Variants in RPS6KC1 observed in about 807,000 individuals in gnomAD.
RPS6KC1 encodes inactive ribosomal protein S6 kinase delta-1.
RPS6KC1 carries 54 observed loss-of-function variants against 103.8 expected under a neutral mutation model. The ratio of observed to expected loss-of-function variants is 0.52; its 90% CI spans 0.42 to 0.65. The LOEUF is 0.65. Among genes scored for constraint, RPS6KC1 ranks in the 30% least tolerant of loss-of-function variants. The pLI, the probability that RPS6KC1 is intolerant of heterozygous loss-of-function variation, is 0.00. For synonymous variants in RPS6KC1, 439 were observed against 438.7 expected (o/e 1.00, Z -0.01); for missense variants, 1,151 against 1,253.8 (o/e 0.92, Z 1.24).
chr1:213,549,620 T>C, the RPS6KC1 span, among the ~76,000 whole-genome samples: 16 of 27,098 alleles, frequency 5.9e-4, no homozygotes, highest in East Asian at 0.014. Context: ...TCCTTTTTTT[T>C]TTTTTTTTTT....
chr1:213,398,417 C>A, the RPS6KC1 span, among the ~76,000 whole-genome samples: 1 of 151,838 alleles, frequency 6.6e-6, no homozygotes, highest in Non-Finnish European at 1.5e-5. Flanking sequence ...TTTATAGTAA[C>A]CTGCCATGCT....
chr1:213,164,650 T>C (rs1203948805), intron 6 of RPS6KC1, among the ~76,000 whole-genome samples: 1 of 152,156 alleles, frequency 6.6e-6, no homozygotes, highest in Non-Finnish European at 1.5e-5. Context: ...ACAGCCATGA[T>C]TTCCCAGGTT....
the RPS6KC1 span, among the ~76,000 whole-genome samples, chr1:213,829,111 G>C: frequency 6.6e-6 from 1 of 152,034 alleles, no homozygotes; most frequent in Non-Finnish European, 1.5e-5. Context: ...TTGTAGTCCC[G>C]ACGAAGCCTA....
At chr1:213,435,225 C>A in the RPS6KC1 span, among the ~76,000 whole-genome samples, 3 of 152,008 alleles carry the variant, frequency 2.0e-5, no homozygotes, top group African/African-American at 7.2e-5. Context: ...AGAAATTTAT[C>A]TTTTAAAAAA....
the RPS6KC1 span, among the ~76,000 whole-genome samples, chr1:213,435,856 C>T: frequency 1.3e-5 from 2 of 152,106 alleles, no homozygotes; most frequent in African/African-American, 2.4e-5. Flanking sequence ...CCAGCCCCCA[C>T]CCCTGTACTC....
chr1:213,160,541 TG>T (rs1165063145), intron 6 of RPS6KC1, among the ~76,000 whole-genome samples: 3 of 152,200 alleles, frequency 2.0e-5, no homozygotes, highest in Non-Finnish European at 2.9e-5. Context: ...ATGTAACTAT[TG>T]TTTAAGTTAG....
the RPS6KC1 span, among the ~76,000 whole-genome samples, chr1:213,635,359 T>C: frequency 1.3e-5 from 2 of 152,188 alleles, no homozygotes; most frequent in Non-Finnish European, 2.9e-5. Context: ...TGAACATCGA[T>C]GTGAAAATCC....
chr1:213,447,452 T>A, the RPS6KC1 span, among the ~76,000 whole-genome samples: 7 of 152,190 alleles, frequency 4.6e-5, no homozygotes, highest in Non-Finnish European at 8.8e-5. Flanking sequence ...CAGATAACAA[T>A]ACCCAAAATA....
At chr1:213,838,844 A>G in the RPS6KC1 span, among the ~76,000 whole-genome samples, 1 of 152,210 alleles carries the variant, frequency 6.6e-6, no homozygotes, top group Non-Finnish European at 1.5e-5. Context: ...AGGATTCACT[A>G]GAGAGAAATT....
chr1:213,518,718 C>A, the RPS6KC1 span, among the ~76,000 whole-genome samples: 1 of 152,196 alleles, frequency 6.6e-6, no homozygotes, highest in African/African-American at 2.4e-5. Context: ...CACTGGACCA[C>A]ACTCATCAGC....
At chr1:213,603,494 G>C in the RPS6KC1 span, among the ~76,000 whole-genome samples, 3 of 152,096 alleles carry the variant, frequency 2.0e-5, no homozygotes, top group African/African-American at 7.2e-5. Flanking sequence ...ATTCCAAGCT[G>C]GCCTTGATGT....
the RPS6KC1 span, among the ~76,000 whole-genome samples, chr1:213,473,404 A>G: frequency 7.9e-5 from 12 of 152,218 alleles, no homozygotes; most frequent in African/African-American, 2.7e-4. Flanking sequence ...GCATGAAGTC[A>G]CTTTCCCTCA....
At chr1:213,190,096 A>G (rs2092695245) in intron 8 of RPS6KC1, among the ~76,000 whole-genome samples, 1 of 152,172 alleles carries the variant, frequency 6.6e-6, no homozygotes, top group Non-Finnish European at 1.5e-5. Flanking sequence ...GCTATTGTGA[A>G]TAGTGCTGCA....
At chr1:213,094,073 T>C (rs1377975054) in intron 3 of RPS6KC1, among the ~76,000 whole-genome samples, 1 of 113,462 alleles carries the variant, frequency 8.8e-6, no homozygotes, top group Non-Finnish European at 1.9e-5. Flanking sequence ...TGACAAAATT[T>C]CAAATTTATG....
the RPS6KC1 span, among the ~76,000 whole-genome samples, chr1:213,612,739 T>C: frequency 6.6e-6 from 1 of 152,174 alleles, no homozygotes; most frequent in Non-Finnish European, 1.5e-5. Flanking sequence ...CCCTGAGACT[T>C]CATATTAAAA....
At chr1:213,578,013 G>A in the RPS6KC1 span, among the ~76,000 whole-genome samples, 1 of 152,206 alleles carries the variant, frequency 6.6e-6, no homozygotes, top group Non-Finnish European at 1.5e-5. Context: ...CCCAAGCTGG[G>A]GGGCCTAGTG....
chr1:213,129,651 G>A lies in RPS6KC1; in HGVS notation c.597G>A (p.Ser199=), dbSNP rs1471478444. The part of the protein sequence containing the change: ...PIRTFGLNLS[S]DSSALGAVAS... ...GAACTTTTGGTCTCAATCTTTCTTC[G>A]GATTCTTCAGCACTAGGGGCTGTTG... The change falls in exon 6 of 15, where the codon TCG becomes TCA. Residue 199 remains serine (S), a synonymous_variant. Transcript: ENST00000366960. 7 of 1,613,942 alleles carry A rather than the reference G, an allele frequency of 4.3e-6. No homozygotes were observed. Among genetic ancestry groups the A allele is most frequent in the Non-Finnish European group, 4.2e-6 (5 of 1,179,958 alleles).
the RPS6KC1 span, among the ~76,000 whole-genome samples, chr1:213,588,808 T>TG: frequency 1.3e-5 from 2 of 152,158 alleles, no homozygotes; most frequent in African/African-American, 4.8e-5. Flanking sequence ...GCATTAGCCT[T>TG]GGCTTGGGGT....
At chr1:213,130,194 G>A (rs998639242) in intron 6 of RPS6KC1, among the ~76,000 whole-genome samples, 9 of 152,184 alleles carry the variant, frequency 5.9e-5, no homozygotes, top group Non-Finnish European at 2.9e-5. Context: ...TGAAAAGGCA[G>A]TGTTTTACCG....
Sources: gnomAD v4.1 joint callset for allele counts (sites outside exome capture counted in the v4.1 genomes callset) on GRCh38, gnomAD v4.1.1 for gene constraint, MANE v1.5 for transcripts, NCBI Gene and HGNC (gene_info 2026-07-23, HGNC 2026-07-21) for gene names.